The following OCA2 variants were observed in gnomAD, a reference collection of about 807,000 sequenced individuals.
The protein encoded by OCA2 is P protein.
OCA2 carries 77 observed loss-of-function variants against 100.2 expected under a neutral mutation model. The ratio of observed to expected loss-of-function variants is 0.77; its 90% CI spans 0.64 to 0.93. OCA2 has a LOEUF of 0.93. OCA2 is among the 40% of genes least tolerant of loss of function. The probability of loss-of-function intolerance (pLI) is 0.00; values close to 1 mark genes in which losing one functional copy is unlikely to be tolerated. For synonymous variants in OCA2, 432 were observed against 439.2 expected (o/e 0.98, Z 0.21); for missense variants, 1,062 against 1,089.1 (o/e 0.98, Z 0.35).
At chr15:27,877,626 T>G (rs1209366403) in intron 19 of OCA2, among the ~76,000 whole-genome samples, 2 of 152,076 alleles carry the variant, frequency 1.3e-5, no homozygotes, top group African/African-American at 4.8e-5. Flanking sequence ...TGGCCTTTTA[T>G]GCTTATTACC....
the OCA2 span, among the ~76,000 whole-genome samples, chr15:27,726,311 AT>A: frequency 7.8e-6 from 1 of 127,908 alleles, no homozygotes. Flanking sequence ...AAATAAATAA[AT>A]AAATAAATAA....
At chr15:27,742,215 A>T in the OCA2 span, among the ~76,000 whole-genome samples, 3 of 152,116 alleles carry the variant, frequency 2.0e-5, no homozygotes, top group African/African-American at 7.2e-5. Context: ...TTGATGGTGG[A>T]AGGGCGGTGA....
chr15:27,801,001 C>A (rs565124070), intron 23 of OCA2, among the ~76,000 whole-genome samples: 70 of 152,120 alleles, frequency 4.6e-4, no homozygotes, highest in African/African-American at 1.7e-3. Context: ...TAATGCAAAA[C>A]CTTCCCACAA....
downstream of OCA2, among the ~76,000 whole-genome samples, chr15:27,754,356 A>G (rs2030182766): frequency 6.6e-6 from 1 of 152,220 alleles, no homozygotes; most frequent in African/African-American, 2.4e-5. Flanking sequence ...TAGTGCCCTG[A>G]GCATCTTGGA....
the OCA2 span, among the ~76,000 whole-genome samples, chr15:27,722,577 C>G: frequency 6.6e-6 from 1 of 152,088 alleles, no homozygotes; most frequent in African/African-American, 2.4e-5. Flanking sequence ...CACCTTTTAT[C>G]TCCTTAACCT....
At chr15:27,803,661 G>A (rs927019052) in intron 23 of OCA2, among the ~76,000 whole-genome samples, 1 of 152,174 alleles carries the variant, frequency 6.6e-6, no homozygotes, top group Non-Finnish European at 1.5e-5. Context: ...GATGGATGGT[G>A]GCGATGGTTG....
intron 2 of OCA2, among the ~76,000 whole-genome samples, chr15:28,060,064 T>C (rs151283661): frequency 3.3e-4 from 50 of 152,346 alleles, no homozygotes; most frequent in African/African-American, 1.2e-3. Context: ...CCAACCCTCA[T>C]GGCATTGCAG....
chr15:27,953,075 G>C (rs2040089357), intron 17 of OCA2, among the ~76,000 whole-genome samples: 1 of 152,210 alleles, frequency 6.6e-6, no homozygotes, highest in African/African-American at 2.4e-5. Context: ...AGACAGCAAT[G>C]ATGATGAATG....
chr15:28,065,763 G>C (rs1476070898), intron 2 of OCA2, among the ~76,000 whole-genome samples: 3 of 152,038 alleles, frequency 2.0e-5, no homozygotes, highest in Non-Finnish European at 4.4e-5. Flanking sequence ...GAACATTGAA[G>C]GCTCTCTACT....
chr15:28,006,292 G>A (rs748859047), intron 9 of OCA2, among the ~76,000 whole-genome samples: 3 of 152,068 alleles, frequency 2.0e-5, no homozygotes, highest in African/African-American at 4.8e-5. Context: ...ATCTGGCTTC[G>A]AACAACAGCA....
chr15:27,799,898 G>C (rs2033521886), intron 23 of OCA2, among the ~76,000 whole-genome samples: 1 of 152,132 alleles, frequency 6.6e-6, no homozygotes, highest in East Asian at 1.9e-4. Flanking sequence ...TGGTAAAAAG[G>C]CTGGAGTGAT....
At chr15:27,857,843 G>A (rs1035495174) in intron 21 of OCA2, among the ~76,000 whole-genome samples, 1 of 152,104 alleles carries the variant, frequency 6.6e-6, no homozygotes, top group African/African-American at 2.4e-5. Flanking sequence ...AAGGAAGTAA[G>A]GACTAAATAG....
At chr15:27,971,170 G>A (rs1005808635) in intron 14 of OCA2, among the ~76,000 whole-genome samples, 8 of 151,906 alleles carry the variant, frequency 5.3e-5, no homozygotes, top group Non-Finnish European at 1.0e-4. Flanking sequence ...GCCCCAGCAC[G>A]CATGGCATGG....
intron 6 of OCA2, among the ~76,000 whole-genome samples, chr15:28,019,990 T>C (rs184855046): frequency 5.7e-4 from 87 of 152,318 alleles, no homozygotes; most frequent in African/African-American, 2.1e-3. Flanking sequence ...TCATCGTGGC[T>C]GGTGACCCAC....
intron 9 of OCA2, among the ~76,000 whole-genome samples, chr15:28,014,539 C>T (rs1463679457): frequency 6.6e-6 from 1 of 152,192 alleles, no homozygotes; most frequent in Non-Finnish European, 1.5e-5. Context: ...TCTGTTTTCT[C>T]AGGTACACTT....
intron 2 of OCA2, among the ~76,000 whole-genome samples, chr15:28,058,710 G>C (rs2043781172): frequency 6.6e-6 from 1 of 152,174 alleles, no homozygotes; most frequent in Non-Finnish European, 1.5e-5. Flanking sequence ...TAATAATCCA[G>C]GTGACCAAAA....
chr15:27,774,646 C>T (rs532639764), intron 23 of OCA2, among the ~76,000 whole-genome samples: 1 of 152,308 alleles, frequency 6.6e-6, no homozygotes, highest in South Asian at 2.1e-4. Flanking sequence ...GCCCTAGCCC[C>T]CAGGACCTCA....
intron 23 of OCA2, among the ~76,000 whole-genome samples, chr15:27,769,350 A>T (rs1290822487): frequency 1.3e-5 from 2 of 152,236 alleles, no homozygotes; most frequent in Non-Finnish European, 2.9e-5. Flanking sequence ...GCTGACACAC[A>T]GTTCTCTAAG....
chr15:27,911,753 C>T (rs1438064495), intron 19 of OCA2, among the ~76,000 whole-genome samples: 2 of 152,176 alleles, frequency 1.3e-5, no homozygotes, highest in Non-Finnish European at 2.9e-5. Flanking sequence ...ACCTTCAACA[C>T]TAGAGATCAG....
Sources: gnomAD v4.1 joint callset for allele counts (sites outside exome capture counted in the v4.1 genomes callset) on GRCh38, gnomAD v4.1.1 for gene constraint, MANE v1.5 for transcripts, NCBI Gene and HGNC (gene_info 2026-07-23, HGNC 2026-07-21) for gene names.